The following ZMYND8 variants were observed in gnomAD, a reference collection of about 807,000 sequenced individuals.
ZMYND8 encodes MYND-type zinc finger-containing chromatin reader ZMYND8.
A neutral mutation model predicts 140.8 loss-of-function variants in ZMYND8; 37 were observed. The ratio of observed to expected loss-of-function variants is 0.26; its 90% confidence interval spans 0.20 to 0.35. The LOEUF (loss-of-function observed/expected upper bound fraction) is 0.35. Among genes scored for constraint, ZMYND8 ranks in the 10% least tolerant of loss-of-function variants. The probability of loss-of-function intolerance (pLI) is 1.00; values close to 1 mark genes in which losing one functional copy is unlikely to be tolerated. For synonymous variants in ZMYND8, 592 were observed against 597.1 expected, an observed-to-expected ratio of 0.99 and a Z score of 0.12; for missense variants, 1,068 against 1,570.0, an observed-to-expected ratio of 0.68 and a Z score of 5.40.
intron 6 of ZMYND8, 39 bp from the exon 7 acceptor site, chr20:47,290,313 TAG>T (rs1368737210): frequency 1.3e-5 from 21 of 1,577,216 alleles, no homozygotes; most frequent in Non-Finnish European, 1.6e-5. Context: ...ACAGTGAGTC[TAG>T]ACAAGCCACA....
chr20:47,346,154 G>A (rs1040205439), intron 2 of ZMYND8, among the ~76,000 whole-genome samples: 2 of 152,098 alleles, frequency 1.3e-5, no homozygotes, highest in African/African-American at 2.4e-5. Context: ...CAGCAGAACA[G>A]GGACAAGACC....
At chr20:47,272,508 G>A (rs908716284) in intron 11 of ZMYND8, among the ~76,000 whole-genome samples, 5 of 152,100 alleles carry the variant, frequency 3.3e-5, no homozygotes, top group South Asian at 2.1e-4. Context: ...TCGAGATCGC[G>A]CAAACAAATA....
intron 14 of ZMYND8, among the ~76,000 whole-genome samples, chr20:47,239,901 A>C (rs2039729421): frequency 1.3e-5 from 2 of 152,156 alleles, no homozygotes; most frequent in African/African-American, 4.8e-5. Flanking sequence ...GTCTAAAATG[A>C]GTTTATACTT....
intron 2 of ZMYND8, chr20:47,319,911 A>G (rs553674181): frequency 6.7e-6 from 1 of 148,628 alleles, no homozygotes; most frequent in Non-Finnish European, 1.5e-5. Context: ...ACATGTGTAC[A>G]TGAGGCCCTT....
At chr20:47,355,942 A>G (rs960839346) in intron 1 of ZMYND8, among the ~76,000 whole-genome samples, 3 of 151,922 alleles carry the variant, frequency 2.0e-5, no homozygotes, top group Non-Finnish European at 4.4e-5. Context: ...AACACTCTGT[A>G]GCAACCTAAG....
intron 2 of ZMYND8, among the ~76,000 whole-genome samples, chr20:47,313,469 A>T (rs2079116883): frequency 6.6e-6 from 1 of 151,862 alleles, no homozygotes; most frequent in African/African-American, 2.4e-5. Flanking sequence ...AAAAATACAA[A>T]AAATTAGCCG....
intron 22 of ZMYND8, among the ~76,000 whole-genome samples, chr20:47,211,658 C>T (rs1165659267): frequency 6.6e-6 from 1 of 152,192 alleles, no homozygotes; most frequent in East Asian, 1.9e-4. Flanking sequence ...AGATGGCTGA[C>T]TGGAGAAACC....
intron 17 of ZMYND8, among the ~76,000 whole-genome samples, chr20:47,228,978 A>G (rs1264268847): frequency 1.3e-5 from 2 of 151,584 alleles, no homozygotes; most frequent in Non-Finnish European, 2.9e-5. Flanking sequence ...CGGATGCTTT[A>G]TAAGTAGATA....
At chr20:47,324,201 CAAAA>C (rs60339000) in intron 2 of ZMYND8, among the ~76,000 whole-genome samples, 2 of 66,672 alleles carry the variant, frequency 3.0e-5, no homozygotes, top group Non-Finnish European at 3.3e-5. Context: ...GACTCTGTCT[CAAAA>C]AAAAAAAAAA....
Position 47,274,673 on chromosome 20 carries a change from A to G in ZMYND8, c.1480+1641T>C, listed in dbSNP as rs544815011. On this transcript the variant is annotated intron_variant, in intron 11 of 22. Coordinates refer to ENST00000471951, the MANE Select transcript of ZMYND8 (RefSeq NM_001281775.3). ...CAAAACAAAGCTCTATGACTCAACC[A>G]TGAGTGTCTAGGACCACACAGCTAT... Among the ~76,000 whole-genome samples, 12 of 152,346 alleles carry G rather than the reference A, an allele frequency of 7.9e-5. 1 individual carries two copies. The South Asian group carries it at 1.0e-3, about 13-fold the overall frequency.
At chr20:47,274,861 A>G (rs571367023) in intron 11 of ZMYND8, among the ~76,000 whole-genome samples, 1 of 152,376 alleles carries the variant, frequency 6.6e-6, no homozygotes, top group South Asian at 2.1e-4. Context: ...CCAAGAAACA[A>G]CACAAGCAAA....
At chr20:47,303,357 A>T (rs1304334108) in intron 3 of ZMYND8, among the ~76,000 whole-genome samples, 1 of 152,216 alleles carries the variant, frequency 6.6e-6, no homozygotes, top group Non-Finnish European at 1.5e-5. Flanking sequence ...GATAACAGTC[A>T]GCCGTATTTT....
intron 2 of ZMYND8, among the ~76,000 whole-genome samples, chr20:47,337,180 T>C (rs918780116): frequency 1.3e-5 from 2 of 151,632 alleles, no homozygotes; most frequent in Admixed American, 6.6e-5. Context: ...AGTGAAACCC[T>C]GTCTCTACTA....
At chr20:47,300,613 C>T (rs924693438) in intron 3 of ZMYND8, among the ~76,000 whole-genome samples, 2 of 152,186 alleles carry the variant, frequency 1.3e-5, no homozygotes, top group Non-Finnish European at 2.9e-5. Flanking sequence ...CTATCATATA[C>T]TTTAACACGA....
chr20:47,350,294 TAAAGGA>T (rs1242685887), intron 1 of ZMYND8, among the ~76,000 whole-genome samples: 1 of 117,748 alleles, frequency 8.5e-6, no homozygotes, highest in Non-Finnish European at 1.7e-5. Flanking sequence ...TGTATTTGAC[TAAAGGA>T]AACTGCAGTG....
chr20:47,239,031 T>C lies in ZMYND8; in HGVS notation c.2392A>G (p.Thr798Ala). The change falls in exon 15 of 23, where the codon ACC becomes GCC. Residue 798 changes from threonine to alanine, a missense_variant. Physicochemically the swap from Thr to Ala is moderately conservative, Grantham distance 58 (BLOSUM62 0). Coordinates refer to ENST00000471951, the MANE Select transcript of ZMYND8 (RefSeq NM_001281775.3). ...GTGACCGTGGAGGACGTGCTGGTGGTGGCTGTGGCGCCAGCCGCGGAAGTT... is the reference window on the plus strand; with the variant it reads ...GTGACCGTGGAGGACGTGCTGGTGGCGGCTGTGGCGCCAGCCGCGGAAGTT... ...AQTSAAGATA[T>A]TSTSSTVTVT... 3.1e-6 allele frequency: 5 copies of C among 1,590,130 alleles called. No homozygotes were observed. The highest frequency in any genetic ancestry group is 2.3e-5 in the South Asian group (2 of 88,846).
chr20:47,253,473 C>A (rs1259741792), intron 12 of ZMYND8, among the ~76,000 whole-genome samples: 1 of 148,478 alleles, frequency 6.7e-6, no homozygotes, highest in Non-Finnish European at 1.5e-5. Flanking sequence ...GGAGGAGGAG[C>A]CTGCAGTGAG....
chr20:47,356,292 C>G, intron 1 of ZMYND8: 1 of 1,249,906 alleles, frequency 8.0e-7, no homozygotes, highest in Non-Finnish European at 1.0e-6. Context: ...GGGGGAACTG[C>G]TCAGAGAGAG....
intron 3 of ZMYND8, among the ~76,000 whole-genome samples, chr20:47,300,689 A>G (rs61077200): frequency 0.12 from 18,454 of 152,222 alleles, 1,247 homozygotes; most frequent in South Asian, 0.28. Context: ...GCAGGCACCC[A>G]TATCTTGTTC....
Sources: allele counts gnomAD v4.1 joint callset (sites outside exome capture counted in the v4.1 genomes callset), GRCh38; gene constraint gnomAD v4.1.1; transcripts MANE v1.5; gene names NCBI Gene and HGNC (gene_info 2026-07-23, HGNC 2026-07-21).